Variants in GSTCD observed in about 807,000 individuals in gnomAD.
The protein encoded by GSTCD is glutathione S-transferase C-terminal domain-containing protein.
GSTCD carries 44 observed loss-of-function variants against 68.3 expected under a neutral mutation model. That is an observed-to-expected ratio of 0.64 (90% CI 0.51 to 0.83). The LOEUF is 0.83. GSTCD is among the 40% of genes least tolerant of loss of function. The pLI is 0.00. For synonymous variants in GSTCD, 273 were observed against 255.2 expected, an observed-to-expected ratio of 1.07 and a Z score of -0.67; for missense variants, 739 against 735.9, an observed-to-expected ratio of 1.00 and a Z score of -0.05.
At chr4:105,727,457 G>A (rs753144198) in intron 4 of GSTCD, among the ~76,000 whole-genome samples, 6 of 151,428 alleles carry the variant, frequency 4.0e-5, no homozygotes, top group East Asian at 1.9e-4. Flanking sequence ...TTCGGAGGGC[G>A]GAGGTTTCAG....
chr4:105,734,941 TC>T (rs1733403781), intron 5 of GSTCD, among the ~76,000 whole-genome samples: 3 of 152,164 alleles, frequency 2.0e-5, no homozygotes, highest in Admixed American at 6.5e-5. Context: ...TTGCTGGAGG[TC>T]CACTCCAGAT....
At chr4:105,791,928 T>C (rs1396357944) in intron 5 of GSTCD, among the ~76,000 whole-genome samples, 1 of 152,158 alleles carries the variant, frequency 6.6e-6, no homozygotes. Context: ...CCAAACAACT[T>C]AATAAGCATT....
chr4:105,728,825 T>A (rs758050236), intron 4 of GSTCD, among the ~76,000 whole-genome samples: 1 of 152,130 alleles, frequency 6.6e-6, no homozygotes, highest in Non-Finnish European at 1.5e-5. Flanking sequence ...TGGAGAAGGA[T>A]CCTGAAAATG....
chr4:105,785,222 G>A (rs1735420482), intron 5 of GSTCD, among the ~76,000 whole-genome samples: 1 of 152,016 alleles, frequency 6.6e-6, no homozygotes, highest in African/African-American at 2.4e-5. Context: ...CAAAATTGTT[G>A]ACTTATAACA....
chr4:105,757,303 A>T (rs569734489), intron 5 of GSTCD, among the ~76,000 whole-genome samples: 1 of 152,282 alleles, frequency 6.6e-6, no homozygotes, highest in Non-Finnish European at 1.5e-5. Context: ...TATATTAAGA[A>T]TTTCCCATTC....
At chr4:105,785,000 T>C (rs970443164) in intron 5 of GSTCD, among the ~76,000 whole-genome samples, 2 of 152,190 alleles carry the variant, frequency 1.3e-5, no homozygotes, top group African/African-American at 4.8e-5. Context: ...TAATAGCTAC[T>C]GGTATGCTAC....
rs967221217 is a variant in GSTCD at position 105,833,901 on chromosome 4, A to T, written c.1531-560A>T. On this transcript the variant is annotated intron_variant, in intron 8 of 11. Transcript: ENST00000515279. ...TCATTGAAAATAGTTCCTGTAACTC[A>T]TCATTCAATGTTAAGGATTGTTATT... Among the ~76,000 whole-genome samples the T allele has an allele frequency of 3.3e-5, 5 of 152,294 alleles. No individual in the cohort carries two copies. In the South Asian group the frequency reaches 1.0e-3, roughly 32 times the overall value.
At chr4:105,714,256 C>T (rs1466201970) in intron 1 of GSTCD, among the ~76,000 whole-genome samples, 1 of 152,148 alleles carries the variant, frequency 6.6e-6, no homozygotes, top group Admixed American at 6.5e-5. Context: ...CTCACTCCCT[C>T]TCTGCAGAGT....
At position 105,845,818 on chromosome 4, in the gene GSTCD, C is replaced by A; in HGVS notation, c.*241C>A. The A allele has an allele frequency of 2.1e-6, 1 of 472,604 alleles. No individual in the cohort carries two copies. Among genetic ancestry groups the A allele is most frequent in the Admixed American group, 3.3e-5 (1 of 30,700 alleles). 29.3% of individuals were successfully genotyped at this position (472,604 alleles called of 1,614,324 possible). ...TAGTGAGAATCCCCTGAAGTCTCAG[C>A]TGCCAAAAGAATAATACTAGTGGAG... On this transcript the variant is annotated 3_prime_UTR_variant, in exon 12 of 12. Transcript: ENST00000515279.
At chr4:105,744,281 A>G (rs550625102) in intron 5 of GSTCD, among the ~76,000 whole-genome samples, 1 of 152,228 alleles carries the variant, frequency 6.6e-6, no homozygotes, top group East Asian at 1.9e-4. Context: ...ATTATGTCAG[A>G]TTGCACACAG....
At chr4:105,804,869 C>T (rs1367386737) in intron 5 of GSTCD, among the ~76,000 whole-genome samples, 1 of 152,010 alleles carries the variant, frequency 6.6e-6, no homozygotes, top group African/African-American at 2.4e-5. Flanking sequence ...GTTCAGCTCC[C>T]GTTTATAAGT....
At chr4:105,786,053 T>C (rs1735453393) in intron 5 of GSTCD, among the ~76,000 whole-genome samples, 1 of 152,176 alleles carries the variant, frequency 6.6e-6, no homozygotes, top group African/African-American at 2.4e-5. Flanking sequence ...AATTTAACTC[T>C]AAATGGATCA....
rs565229390 is a variant in GSTCD, at chr4:105,768,436, A to T, written c.1240+38937A>T. Reference sequence around the variant, plus strand: ...TTCTTAGCAGTCTATAGGTTTAAAAATTTTCCTTTAGAATTTGAAAGGACC... The same window carrying T: ...TTCTTAGCAGTCTATAGGTTTAAAATTTTTCCTTTAGAATTTGAAAGGACC... On this transcript the variant is annotated intron_variant, in intron 5 of 11. Transcript: ENST00000515279. Among the ~76,000 whole-genome samples the T allele has an allele frequency of 1.1e-4, 17 of 152,126 alleles. No individual in the cohort carries two copies. The South Asian group carries it at 3.3e-3, about 30-fold the overall frequency.
At chr4:105,797,785 T>A (rs1735958379) in intron 5 of GSTCD, among the ~76,000 whole-genome samples, 2 of 45,916 alleles carry the variant, frequency 4.4e-5, no homozygotes, top group African/African-American at 1.5e-4. Flanking sequence ...TTTTTTTTTT[T>A]TTTTTTTGAG....
At chr4:105,720,467 A>G (rs939623354) in intron 3 of GSTCD, among the ~76,000 whole-genome samples, 5 of 152,194 alleles carry the variant, frequency 3.3e-5, no homozygotes, top group East Asian at 1.9e-4. Context: ...TCGAAAATCT[A>G]TGTATTTGAA....
At chr4:105,777,824 A>AT (rs912830403) in intron 5 of GSTCD, among the ~76,000 whole-genome samples, 8 of 152,198 alleles carry the variant, frequency 5.3e-5, no homozygotes, top group African/African-American at 1.9e-4. Flanking sequence ...TGCTTGGTTC[A>AT]TTGGTAAGTT....
At chr4:105,791,310 G>GT (rs1200190735) in intron 5 of GSTCD, among the ~76,000 whole-genome samples, 2 of 150,984 alleles carry the variant, frequency 1.3e-5, no homozygotes, top group Non-Finnish European at 2.9e-5. Flanking sequence ...GGAGAATGGC[G>GT]TGAACCTGGG....
chr4:105,766,817 G>C (rs1256710685), intron 5 of GSTCD, among the ~76,000 whole-genome samples: 1 of 135,346 alleles, frequency 7.4e-6, no homozygotes, highest in Non-Finnish European at 1.6e-5. Flanking sequence ...CTCCTATACT[G>C]TTTTATTATT....
At chr4:105,760,996 ATTTTTTTTTTT>A (rs35581423) in intron 5 of GSTCD, 3 of 174,958 alleles carry the variant, frequency 1.7e-5, no homozygotes, top group African/African-American at 1.0e-4. Flanking sequence ...TCCTTTTTTA[ATTTTTTTTTTT>A]TTTTTTTTTT....
Sources: allele counts gnomAD v4.1 joint callset (sites outside exome capture counted in the v4.1 genomes callset), GRCh38; gene constraint gnomAD v4.1.1; transcripts MANE v1.5; gene names NCBI Gene and HGNC (gene_info 2026-07-23, HGNC 2026-07-21).